IL13RA1: variants seen among roughly 807,000 people sequenced by gnomAD.
IL13RA1 encodes interleukin 13 receptor subunit alpha 1, also known as interleukin-13 receptor subunit alpha-1.
In IL13RA1, 14 loss-of-function variants were observed where a neutral mutation model predicts 33.8. The ratio of observed to expected loss-of-function variants is 0.41; its 90% CI spans 0.27 to 0.65. IL13RA1 has a LOEUF of 0.65. Ranked by LOEUF, IL13RA1 falls within the 30% of genes least tolerant of loss-of-function variation. IL13RA1 has a pLI of 0.28. For synonymous variants in IL13RA1, 116 were observed against 115.7 expected (o/e 1.00, Z -0.02); for missense variants, 313 against 327.0 (o/e 0.96, Z 0.33).
chrX:118,792,107 C>A lies in IL13RA1; in HGVS notation c.*253C>A. 1 of 200,913 alleles carries A rather than the reference C, an allele frequency of 5.0e-6. No individual in the cohort carries two copies. Among genetic ancestry groups the A allele is most frequent in the African/African-American group, 2.9e-5 (1 of 34,220 alleles). 16.6% of individuals were successfully genotyped at this position (200,913 alleles called of 1,213,427 possible). A position where few individuals can be genotyped will look rare whatever the true frequency, so the allele number is the denominator to read the frequency against. ...GCAGGCTTCAAACTAGGGGACAAAG[C>A]AAAAAGTGATGATAGTGGTGGAGTT... On this transcript the variant is annotated 3_prime_UTR_variant, in exon 11 of 11. Transcript: ENST00000371666.
At chrX:118,779,718 G>A (rs2017822081) in intron 10 of IL13RA1, among the ~76,000 whole-genome samples, 1 of 111,916 alleles carries the variant, frequency 8.9e-6, no homozygotes, top group Admixed American at 9.5e-5. Flanking sequence ...GAGATAATAG[G>A]AACTTGAACT....
At chrX:118,799,221 C>T (rs758381995), downstream of IL13RA1, among the ~76,000 whole-genome samples, 181 of 113,422 alleles carry the variant, frequency 1.6e-3, 1 homozygote, top group African/African-American at 5.6e-3. Flanking sequence ...CTGCAGCCCT[C>T]CATGCCTGAG....
At chrX:118,773,768 G>A (rs753143293) in intron 8 of IL13RA1, 111 bp from the exon 9 acceptor site, 1 of 509,706 alleles carries the variant, frequency 2.0e-6, no homozygotes, top group African/African-American at 2.4e-5. Context: ...AAATAGGTTG[G>A]GGGAGGGAGC....
chrX:118,773,594 T>C (rs2248400), intron 8 of IL13RA1, among the ~76,000 whole-genome samples: 18,797 of 111,392 alleles, frequency 0.17, 1,458 homozygotes, highest in East Asian at 0.43. Flanking sequence ...AGTCTCTGAG[T>C]TTTTGAAAGA....
At chrX:118,784,090 A>AAATATATATATATATAT (rs1556372973) in intron 10 of IL13RA1, among the ~76,000 whole-genome samples, 2 of 63,953 alleles carry the variant, frequency 3.1e-5, no homozygotes, top group Non-Finnish European at 5.1e-5. Context: ...AAAAAAAAAA[A>AAATATATATATATATAT]ATATATATAT....
intron 10 of IL13RA1, among the ~76,000 whole-genome samples, chrX:118,789,931 T>C (rs2017958685): frequency 9.0e-6 from 1 of 111,704 alleles, no homozygotes; most frequent in South Asian, 3.7e-4. Context: ...TTTTTCAAGG[T>C]TATATAATTT....
intron 4 of IL13RA1, among the ~76,000 whole-genome samples, chrX:118,753,388 G>A (rs1166730518): frequency 3.5e-5 from 4 of 112,992 alleles, no homozygotes; most frequent in Non-Finnish European, 5.6e-5. Flanking sequence ...AAAGCTGAGA[G>A]CAGATGGTAC....
chrX:118,761,390 TATG>T (rs1311192200), intron 6 of IL13RA1, 101 bp downstream of exon 6: 12 of 410,063 alleles, frequency 2.9e-5, no homozygotes, highest in Non-Finnish European at 4.1e-5. Context: ...TTTGTCACCT[TATG>T]ATGATGATGG....
intron 1 of IL13RA1, among the ~76,000 whole-genome samples, chrX:118,738,531 T>C (rs1346529027): frequency 8.9e-6 from 1 of 111,906 alleles, no homozygotes; most frequent in Non-Finnish European, 1.9e-5. Context: ...GCTCCACCCA[T>C]GTTGCTGCAA....
In IL13RA1 at chrX:118,766,878, C is replaced by T. The variant is rs1209100255; in HGVS notation, c.911C>T (p.Pro304Leu). 9.3e-7 allele frequency: 1 copy of T among 1,079,080 alleles called. No individual in the cohort carries two copies. Among genetic ancestry groups the T allele is most frequent in the South Asian group, 2.0e-5 (1 of 51,143 alleles). The allele number at this position is 1,079,080 out of a possible 1,213,427, so 88.9% of individuals were successfully genotyped here. The change falls in exon 8 of 11, where the codon CCT becomes CTT. Residue 304 changes from proline to leucine, a missense_variant. Coordinates refer to ENST00000371666, the MANE Select transcript of IL13RA1 (RefSeq NM_001560.3). ...TSCFMVPGVL[P>L]DTLNTVRIRV... ...TGTTTCATGGTCCCTGGTGTTCTTCCTGATACTTTGAACACAGTCAGAATA... is the reference window on the plus strand; with the variant it reads ...TGTTTCATGGTCCCTGGTGTTCTTCTTGATACTTTGAACACAGTCAGAATA...
chrX:118,754,952 C>CT (rs1250580807), intron 4 of IL13RA1, among the ~76,000 whole-genome samples: 964 of 78,650 alleles, frequency 0.012, 7 homozygotes, highest in Non-Finnish European at 0.017. Context: ...TTTTTTTTTT[C>CT]TTTTTTTTTT....
intron 5 of IL13RA1, among the ~76,000 whole-genome samples, chrX:118,760,391 G>C (rs1215153746): frequency 3.6e-5 from 4 of 111,824 alleles, no homozygotes; most frequent in Non-Finnish European, 7.5e-5. Context: ...ATGTTTTAAT[G>C]GTGGTCTTTG....
At chrX:118,746,796 C>T (rs181688350) in intron 2 of IL13RA1, among the ~76,000 whole-genome samples, 158 bp from the exon 3 acceptor site, 6 of 110,726 alleles carry the variant, frequency 5.4e-5, no homozygotes, top group Admixed American at 1.9e-4. Flanking sequence ...TCTCTGAGAG[C>T]GGTAGGGAGA....
chrX:118,738,019 G>C, intron 1 of IL13RA1: 1 of 111,866 alleles, frequency 8.9e-6, no homozygotes, highest in African/African-American at 3.2e-5. Flanking sequence ...AAATGGAATA[G>C]CCATACATGC....
At chrX:118,779,312 A>G (rs1209920527) in intron 10 of IL13RA1, among the ~76,000 whole-genome samples, 1 of 111,673 alleles carries the variant, frequency 9.0e-6, no homozygotes, top group Non-Finnish European at 1.9e-5. Flanking sequence ...AGAGTGGTCA[A>G]TGCGGCATTT....
intron 9 of IL13RA1, among the ~76,000 whole-genome samples, chrX:118,776,043 T>C (rs941202241): frequency 1.8e-5 from 2 of 110,931 alleles, no homozygotes; most frequent in African/African-American, 6.6e-5. Flanking sequence ...AGCTATAAGA[T>C]TGAAAAATGG....
At chrX:118,735,446 G>A (rs866401917) in intron 1 of IL13RA1, among the ~76,000 whole-genome samples, 38 of 112,011 alleles carry the variant, frequency 3.4e-4, no homozygotes, top group African/African-American at 1.1e-3. Context: ...TGTGTTTATA[G>A]CTATAAATTT....
chrX:118,763,822 C>CTTT (rs33970018), intron 6 of IL13RA1, among the ~76,000 whole-genome samples: 1,139 of 102,573 alleles, frequency 0.011, 14 homozygotes, highest in African/African-American at 0.038. Context: ...AATTGAGTTA[C>CTTT]TTTTTTTTTT....
chrX:118,801,955 TC>T, the IL13RA1 span, among the ~76,000 whole-genome samples: 1 of 112,544 alleles, frequency 8.9e-6, no homozygotes, highest in Admixed American at 9.4e-5. Flanking sequence ...GTATTTTTTT[TC>T]TTTTTTCTTT....
Sources: allele counts gnomAD v4.1 joint callset (sites outside exome capture counted in the v4.1 genomes callset), GRCh38; gene constraint gnomAD v4.1.1; transcripts MANE v1.5; gene names NCBI Gene and HGNC (gene_info 2026-07-23, HGNC 2026-07-21).